Variants in ZP3 observed in about 807,000 individuals in gnomAD.
ZP3 encodes the protein zona pellucida glycoprotein 3.
A neutral mutation model predicts 35.6 loss-of-function variants in ZP3; 21 were observed. The ratio of observed to expected loss-of-function variants is 0.59; its 90% confidence interval spans 0.42 to 0.85. The LOEUF is 0.85. Ranked by LOEUF, ZP3 falls within the 40% of genes least tolerant of loss-of-function variation. The probability of loss-of-function intolerance (pLI) is 0.00; values close to 1 mark genes in which losing one functional copy is unlikely to be tolerated. For missense variants in ZP3, 437 were observed against 536.5 expected, an observed-to-expected ratio of 0.81 and a Z score of 1.83; for synonymous variants, 207 against 214.5, an observed-to-expected ratio of 0.96 and a Z score of 0.31.
intron 1 of ZP3, among the ~76,000 whole-genome samples, chr7:76,413,606 T>A (rs201181239): frequency 3.5e-5 from 1 of 28,680 alleles, no homozygotes; most frequent in African/African-American, 5.1e-4. Flanking sequence ...AAAATAAAAC[T>A]TTTTTTTAAA....
At chr7:76,422,852 G>A, upstream of ZP3, among the ~76,000 whole-genome samples, 1 of 150,782 alleles carries the variant, frequency 6.6e-6, no homozygotes, top group African/African-American at 2.4e-5. Flanking sequence ...ACAAAAGTTA[G>A]CCGGGCATGG....
intron 1 of ZP3, chr7:76,398,591 CA>C: frequency 1.9e-6 from 2 of 1,072,298 alleles, no homozygotes; most frequent in South Asian, 1.3e-5. Context: ...AGGTGTGAGC[CA>C]CCATGCCCAG....
intron 1 of ZP3, among the ~76,000 whole-genome samples, chr7:76,398,461 C>T (rs145297129): frequency 0.01 from 1,567 of 152,030 alleles, 33 homozygotes; most frequent in African/African-American, 0.036. Flanking sequence ...TATGCCACCA[C>T]GCCTGGCTAA....
chr7:76,423,059 G>GAAAC (rs1563695565), upstream of ZP3, among the ~76,000 whole-genome samples: 691 of 146,758 alleles, frequency 4.7e-3, 31 homozygotes, highest in African/African-American at 0.016. Flanking sequence ...AAGAAAGAAA[G>GAAAC]AAAGAAAGAA....
At chr7:76,425,808 T>TA (rs1217244765) in intron 1 of ZP3, among the ~76,000 whole-genome samples, 1 of 151,898 alleles carries the variant, frequency 6.6e-6, no homozygotes, top group East Asian at 1.9e-4. Context: ...CTTAAGCCTT[T>TA]AAAAAAACTA....
chr7:76,423,057 A>C (rs1221043936), upstream of ZP3, among the ~76,000 whole-genome samples: 1 of 140,576 alleles, frequency 7.1e-6, no homozygotes, highest in Non-Finnish European at 1.6e-5. Context: ...GAAAGAAAGA[A>C]AGAAAGAAAG....
intron 1 of ZP3, among the ~76,000 whole-genome samples, chr7:76,405,248 C>A (rs1412764908): frequency 5.9e-5 from 6 of 101,428 alleles, no homozygotes; most frequent in African/African-American, 2.0e-4. Context: ...GGATTACAGG[C>A]GTGCATCACC....
intron 1 of ZP3, among the ~76,000 whole-genome samples, chr7:76,413,243 G>A (rs1172836899): frequency 2.0e-5 from 3 of 151,864 alleles, no homozygotes; most frequent in Non-Finnish European, 4.4e-5. Context: ...TTACAGGTGT[G>A]AGCCGCTGTG....
intron 5 of ZP3, among the ~76,000 whole-genome samples, chr7:76,439,029 G>C (rs1337085163): frequency 3.0e-5 from 4 of 132,662 alleles, no homozygotes; most frequent in African/African-American, 1.1e-4. Context: ...AGCTACTTGG[G>C]AGGCTGAGGC....
At chr7:76,437,573 A>G in intron 5 of ZP3, among the ~76,000 whole-genome samples, 1 of 143,632 alleles carries the variant, frequency 7.0e-6, no homozygotes, top group Non-Finnish European at 1.5e-5. Flanking sequence ...GCAACTTCCC[A>G]TCTCCCAGGT....
intron 1 of ZP3, among the ~76,000 whole-genome samples, chr7:76,411,950 C>T (rs1447109593): frequency 1.3e-5 from 2 of 152,018 alleles, no homozygotes; most frequent in African/African-American, 2.4e-5. Context: ...CTCAGCTACC[C>T]AGGAGGCTGT....
At chr7:76,428,973 C>G (rs186746553) in intron 1 of ZP3, 1 of 156,788 alleles carries the variant, frequency 6.4e-6, no homozygotes, top group Non-Finnish European at 1.4e-5. Context: ...TGAGCCACAG[C>G]GCCCAGCCAG....
intron 1 of ZP3, chr7:76,400,293 C>A: frequency 6.8e-7 from 1 of 1,479,754 alleles, no homozygotes; most frequent in African/African-American, 1.4e-5. Context: ...CACCATCACA[C>A]AGGACAGCCA....
intron 5 of ZP3, among the ~76,000 whole-genome samples, chr7:76,435,565 T>G (rs565114973): frequency 2.0e-5 from 3 of 152,376 alleles, no homozygotes; most frequent in Admixed American, 1.3e-4. Context: ...TCTATACTAA[T>G]CATCTGGAGA....
upstream of ZP3, among the ~76,000 whole-genome samples, chr7:76,424,180 TG>T (rs1368236096): frequency 6.6e-6 from 1 of 152,132 alleles, no homozygotes; most frequent in Admixed American, 6.6e-5. Context: ...CCCACAGACC[TG>T]GGACAGCTCC....
chr7:76,423,627 A>G (rs1805575264), upstream of ZP3, among the ~76,000 whole-genome samples: 1 of 152,118 alleles, frequency 6.6e-6, no homozygotes, highest in Admixed American at 6.6e-5. Context: ...TGCAGGAAAG[A>G]ATGCAGTGGT....
chr7:76,429,014 C>T (rs968332317), intron 1 of ZP3: 5 of 170,594 alleles, frequency 2.9e-5, no homozygotes, highest in African/African-American at 1.2e-4. Flanking sequence ...CTGGGCACTT[C>T]CTGACTGCTT....
chr7:76,411,558 G>T (rs183329811), intron 1 of ZP3, among the ~76,000 whole-genome samples: 5 of 151,872 alleles, frequency 3.3e-5, no homozygotes, highest in African/African-American at 1.2e-4. Flanking sequence ...GACAGAGAGA[G>T]ACCCTGTTTT....
At position 76,430,170 on chromosome 7, in the gene ZP3, G is replaced by A. The variant is rs138293754; in HGVS notation, c.431+537G>A. ...GGCTGCAGTGAGCCGAGATTGCACT[G>A]CTGTACTCCATTCTGGGCAACAAAG... On this transcript the variant is annotated intron_variant, in intron 2 of 7. Coordinates refer to ENST00000394857, the MANE Select transcript of ZP3 (RefSeq NM_001110354.2). 5.9e-3 allele frequency among the ~76,000 whole-genome samples: 900 copies of A among 151,988 alleles called. 13 individuals carry two copies. Among genetic ancestry groups the A allele is most frequent in the African/African-American group, 0.021 (865 of 41,454 alleles).
Sources: gnomAD v4.1 joint callset for allele counts (sites outside exome capture counted in the v4.1 genomes callset) on GRCh38, gnomAD v4.1.1 for gene constraint, MANE v1.5 for transcripts, NCBI Gene and HGNC (gene_info 2026-07-23, HGNC 2026-07-21) for gene names.